The following SLC39A11 variants were observed in gnomAD, a reference collection of about 807,000 sequenced individuals.
SLC39A11 encodes solute carrier family 39 member 11, also known as zinc transporter ZIP11.
In SLC39A11, 33 loss-of-function variants were observed where a neutral mutation model predicts 36.1. The ratio of observed to expected loss-of-function variants is 0.91; its 90% CI spans 0.69 to 1.22. SLC39A11 has a LOEUF of 1.22. SLC39A11 is among the 50% of genes most tolerant of loss of function. The pLI is 0.00. For synonymous variants in SLC39A11, 166 were observed against 170.3 expected, an observed-to-expected ratio of 0.97 and a Z score of 0.20; for missense variants, 432 against 430.3, an observed-to-expected ratio of 1.00 and a Z score of -0.03.
At chr17:73,023,541 G>C (rs777214708) in intron 4 of SLC39A11, among the ~76,000 whole-genome samples, 14 of 152,176 alleles carry the variant, frequency 9.2e-5, no homozygotes, top group Non-Finnish European at 1.5e-5. Context: ...CCAGGCTGGA[G>C]TGCAGTGGTG....
At chr17:72,842,523 T>C (rs368471132) in intron 6 of SLC39A11, among the ~76,000 whole-genome samples, 20 of 152,298 alleles carry the variant, frequency 1.3e-4, no homozygotes, top group African/African-American at 3.1e-4. Flanking sequence ...AAGTGATTAG[T>C]AGGAACTCAA....
At chr17:72,773,608 C>T (rs554320844) in intron 6 of SLC39A11, among the ~76,000 whole-genome samples, 37 of 150,158 alleles carry the variant, frequency 2.5e-4, no homozygotes, top group Non-Finnish European at 4.6e-4. Flanking sequence ...TCTTTATCAG[C>T]AGCTTGAAAA....
intron 7 of SLC39A11, 147 bp downstream of exon 7, chr17:72,736,503 C>T (rs879929019): frequency 6.6e-5 from 44 of 664,864 alleles, no homozygotes; most frequent in African/African-American, 3.6e-4. Context: ...TGGCCTTCAC[C>T]GGACCCCATG....
rs547084272 is a variant in SLC39A11 at position 72,742,221 on chromosome 17, A to G, written c.602-5502T>C. ...CCATCTCAAAAAAAAAGAGTATCCT[A>G]CGTGAGGTGGCTGACACTGGTGAGA... On this transcript the variant is annotated intron_variant, in intron 6 of 9. Coordinates refer to ENST00000255559, the MANE Select transcript of SLC39A11 (RefSeq NM_139177.4). 2.6e-5 allele frequency among the ~76,000 whole-genome samples: 4 copies of G among 151,582 alleles called. No individual in the cohort carries two copies. The South Asian group carries it at 8.3e-4, about 32-fold the overall frequency.
chr17:72,729,459 T>A (rs867098637), intron 7 of SLC39A11, among the ~76,000 whole-genome samples: 38 of 16,232 alleles, frequency 2.3e-3, no homozygotes, highest in Non-Finnish European at 3.3e-3. Context: ...ATATATATAT[T>A]TTTTTTTTTT....
At chr17:73,063,031 G>A (rs2059894813) in intron 3 of SLC39A11, among the ~76,000 whole-genome samples, 1 of 152,130 alleles carries the variant, frequency 6.6e-6, no homozygotes. Context: ...AAGTCTTGGG[G>A]GCCTGCTGGG....
intron 6 of SLC39A11, among the ~76,000 whole-genome samples, chr17:72,779,702 T>C (rs1291007899): frequency 6.6e-6 from 1 of 152,206 alleles, no homozygotes; most frequent in East Asian, 1.9e-4. Flanking sequence ...TCACACCTTC[T>C]GGTCTCTATT....
intron 7 of SLC39A11, among the ~76,000 whole-genome samples, chr17:72,696,069 C>T (rs2072281613): frequency 6.6e-6 from 1 of 152,046 alleles, no homozygotes; most frequent in Non-Finnish European, 1.5e-5. Context: ...CGCTATGGGG[C>T]AAAGAGTCTG....
At chr17:72,927,254 G>A (rs2084103410) in intron 5 of SLC39A11, among the ~76,000 whole-genome samples, 1 of 151,908 alleles carries the variant, frequency 6.6e-6, no homozygotes, top group African/African-American at 2.4e-5. Flanking sequence ...AAAAAATGGG[G>A]TTTCGCCATG....
At chr17:72,982,922 AAC>A (rs2088437466) in intron 4 of SLC39A11, among the ~76,000 whole-genome samples, 1 of 152,182 alleles carries the variant, frequency 6.6e-6, no homozygotes, top group African/African-American at 2.4e-5. Context: ...GGGCAGCAGA[AAC>A]ACAGAGTGTC....
chr17:72,984,630 C>T (rs775080032), intron 4 of SLC39A11, among the ~76,000 whole-genome samples: 33 of 152,206 alleles, frequency 2.2e-4, no homozygotes, highest in Non-Finnish European at 2.5e-4. Flanking sequence ...GGCCCAGCAA[C>T]CCGTGTTTCC....
chr17:72,992,391 A>C (rs1322425346), intron 4 of SLC39A11, among the ~76,000 whole-genome samples: 1 of 152,194 alleles, frequency 6.6e-6, no homozygotes, highest in Non-Finnish European at 1.5e-5. Flanking sequence ...AAATAATTTA[A>C]ATTGCATTCC....
At chr17:72,899,467 T>C (rs1385595935) in intron 5 of SLC39A11, among the ~76,000 whole-genome samples, 1 of 152,212 alleles carries the variant, frequency 6.6e-6, no homozygotes, top group African/African-American at 2.4e-5. Flanking sequence ...AGGAATCTTA[T>C]GGAAAGGCAA....
chr17:72,859,632 A>G (rs570392998), intron 5 of SLC39A11, among the ~76,000 whole-genome samples: 51 of 151,154 alleles, frequency 3.4e-4, no homozygotes, highest in Admixed American at 9.2e-4. Flanking sequence ...CCACATATTC[A>G]TCTCCATGTA....
At chr17:72,931,079 G>A (rs908820584) in intron 5 of SLC39A11, among the ~76,000 whole-genome samples, 6 of 152,180 alleles carry the variant, frequency 3.9e-5, no homozygotes, top group African/African-American at 1.4e-4. Flanking sequence ...AAGTGAGAGA[G>A]AGGCTGGGGG....
rs1465664580 is a variant in SLC39A11 at position 72,900,191 on chromosome 17, A to AGG, written c.430+47560_430+47561insCC. Among the ~76,000 whole-genome samples, 87 of 149,284 alleles carry AGG rather than the reference A, an allele frequency of 5.8e-4. 10 individuals are homozygous for AGG. Among genetic ancestry groups the AGG allele is most frequent in the African/African-American group, 2.1e-3 (82 of 39,632 alleles). The stretch of plus-strand genomic sequence containing the variant: ...AAAGAAAGAAAGAAAGAAAGAAAGA[A>AGG]AGAAAGAAAGAAAGAAAGAAAGAAA... On this transcript the variant is annotated intron_variant, in intron 5 of 9. Coordinates refer to ENST00000255559, the MANE Select transcript of SLC39A11 (RefSeq NM_139177.4).
intron 4 of SLC39A11, among the ~76,000 whole-genome samples, chr17:72,985,906 T>C (rs2088708890): frequency 6.6e-6 from 1 of 152,156 alleles, no homozygotes; most frequent in Non-Finnish European, 1.5e-5. Flanking sequence ...AATATGATTT[T>C]TTCCTTATAA....
chr17:73,002,657 G>A (rs1056660329), intron 4 of SLC39A11, among the ~76,000 whole-genome samples: 1 of 152,216 alleles, frequency 6.6e-6, no homozygotes, highest in African/African-American at 2.4e-5. Context: ...AACTAAAGAT[G>A]CAAACTGTGT....
At chr17:72,710,724 T>G (rs2073077304) in intron 7 of SLC39A11, among the ~76,000 whole-genome samples, 2 of 152,258 alleles carry the variant, frequency 1.3e-5, no homozygotes, top group African/African-American at 4.8e-5. Context: ...TTGATTTTAT[T>G]TCCAAGAAGC....
Sources: allele counts gnomAD v4.1 joint callset (sites outside exome capture counted in the v4.1 genomes callset), GRCh38; gene constraint gnomAD v4.1.1; transcripts MANE v1.5; gene names NCBI Gene and HGNC (gene_info 2026-07-23, HGNC 2026-07-21).